Variants in TSPAN11 observed in about 807,000 individuals in gnomAD.
The protein encoded by TSPAN11 is tetraspanin 11.
TSPAN11 carries 29 observed loss-of-function variants against 32.9 expected under a neutral mutation model. The observed-to-expected ratio is 0.88, with a 90% CI of 0.66 to 1.20. TSPAN11 has a LOEUF of 1.20. TSPAN11 is among the 50% of genes most tolerant of loss of function. TSPAN11 has a pLI of 0.00. For missense variants in TSPAN11, 283 were observed against 329.1 expected (o/e 0.86, Z 1.08); for synonymous variants, 140 against 141.3 (o/e 0.99, Z 0.07).
At chr12:30,958,497 G>T (rs1938544494) in intron 2 of TSPAN11, among the ~76,000 whole-genome samples, 1 of 152,056 alleles carries the variant, frequency 6.6e-6, no homozygotes, top group African/African-American at 2.4e-5. Context: ...TGGGACTGGG[G>T]TGCCGTCCAC....
intron 3 of TSPAN11, among the ~76,000 whole-genome samples, chr12:30,964,241 G>A (rs761482083): frequency 5.9e-5 from 9 of 152,102 alleles, no homozygotes; most frequent in South Asian, 2.1e-4. Flanking sequence ...CTCCTTCTCC[G>A]TATCTCCATC....
At chr12:30,969,617 TCAC>T (rs1283897078) in intron 3 of TSPAN11, among the ~76,000 whole-genome samples, 1 of 152,178 alleles carries the variant, frequency 6.6e-6, no homozygotes, top group South Asian at 2.1e-4. Flanking sequence ...GTGTACCTGA[TCAC>T]CACAATCCAG....
intron 3 of TSPAN11, among the ~76,000 whole-genome samples, chr12:30,965,643 G>A (rs1334365985): frequency 2.0e-5 from 3 of 152,162 alleles, no homozygotes; most frequent in East Asian, 1.9e-4. Context: ...GCAAAGTCCC[G>A]GTAGTCTGAA....
chr12:30,966,676 G>C (rs1938740079), intron 3 of TSPAN11, among the ~76,000 whole-genome samples: 1 of 152,248 alleles, frequency 6.6e-6, no homozygotes, highest in Non-Finnish European at 1.5e-5. Flanking sequence ...CAGAGGCCAA[G>C]GGGGAGGATG....
At chr12:30,984,094 G>A (rs2111771) in intron 7 of TSPAN11, among the ~76,000 whole-genome samples, 86,988 of 152,142 alleles carry the variant, frequency 0.57, 26,515 homozygotes, top group South Asian at 0.71. Flanking sequence ...CAGCGGCAAG[G>A]GCCCCTGCAG....
At chr12:30,943,291 C>T (rs910127561) in intron 1 of TSPAN11, among the ~76,000 whole-genome samples, 3 of 152,210 alleles carry the variant, frequency 2.0e-5, no homozygotes, top group Non-Finnish European at 4.4e-5. Flanking sequence ...CAAACGTCTG[C>T]TCTGCGTGTC....
chr12:30,941,451 G>A (rs1938162320), intron 1 of TSPAN11, among the ~76,000 whole-genome samples: 2 of 152,240 alleles, frequency 1.3e-5, no homozygotes, highest in African/African-American at 4.8e-5. Flanking sequence ...CCAGCAGTAA[G>A]TCTTGGAATC....
At chr12:30,940,159 A>G (rs1938131510) in intron 1 of TSPAN11, among the ~76,000 whole-genome samples, 3 of 152,208 alleles carry the variant, frequency 2.0e-5, no homozygotes. Context: ...ATGCCATAGA[A>G]GCAATGGCCT....
chr12:30,967,130 G>A (rs903354704), intron 3 of TSPAN11, among the ~76,000 whole-genome samples: 3 of 152,184 alleles, frequency 2.0e-5, no homozygotes, highest in East Asian at 1.9e-4. Flanking sequence ...ACCTGACCAC[G>A]CTGTGCTCTC....
At chr12:30,960,440 T>G (rs1938588994) in intron 2 of TSPAN11, among the ~76,000 whole-genome samples, 1 of 151,934 alleles carries the variant, frequency 6.6e-6, no homozygotes, top group Non-Finnish European at 1.5e-5. Context: ...CCCCATCCCT[T>G]TCCTTCCTTC....
intron 2 of TSPAN11, 131 bp from the exon 3 acceptor site, chr12:30,963,695 C>T: frequency 1.0e-6 from 1 of 983,964 alleles, no homozygotes; most frequent in South Asian, 1.8e-5. Flanking sequence ...GGTAACCATA[C>T]CATTCTCGCC....
chr12:30,983,077 C>A lies in TSPAN11; in HGVS notation c.629C>A (p.Thr210Asn). The part of the protein sequence containing the change: ...NIYKVEGGCL[T>N]KLEQFLADHL... The stretch of plus-strand genomic sequence containing the variant: ...CTTCTCTTACAGGGAGGCTGCCTCA[C>A]CAAGCTGGAGCAGTTCCTGGCCGAC... Residue 210 changes from threonine to asparagine, a missense_variant, in exon 7 of 8, where the codon ACC (threonine) becomes AAC (asparagine). Thr to Asn is a moderately conservative substitution (Grantham distance 65). Transcript: ENST00000546076. 1 of 1,612,978 alleles carries A rather than the reference C, an allele frequency of 6.2e-7. No homozygotes were observed. The highest frequency in any genetic ancestry group is 1.1e-5 in the South Asian group (1 of 90,822).
chr12:30,991,956 A>ATG lies in TSPAN11; in HGVS notation c.*44_*45dup. ...TCTTCCAACTGCCCCTCAAGACAAC[A>ATG]TGTGGCCACATGCCATCTGCAAGGC... On this transcript the variant is annotated 3_prime_UTR_variant, in exon 8 of 8. Transcript: ENST00000546076. 1 of 1,608,364 alleles carries ATG rather than the reference A, an allele frequency of 6.2e-7. No individual in the cohort carries two copies. Among genetic ancestry groups the ATG allele is most frequent in the Middle Eastern group, 1.7e-4 (1 of 6,048 alleles).
rs77973780 is a variant in TSPAN11, at chr12:30,987,985, C to T, written c.703-3871C>T. 6.2e-3 allele frequency among the ~76,000 whole-genome samples: 952 copies of T among 152,368 alleles called. 19 individuals are homozygous for T. The East Asian group carries it at 0.077, about 12-fold the overall frequency. On this transcript the variant is annotated intron_variant, in intron 7 of 7. Transcript: ENST00000546076. ...CCCTTGCAGAGTACTAAACTCCCTG[C>T]GGCTGCAGGCTGGGGCAGAGGCTGG...
chr12:30,981,266 G>T (rs1449107863), intron 5 of TSPAN11, among the ~76,000 whole-genome samples: 1 of 152,198 alleles, frequency 6.6e-6, no homozygotes, highest in Non-Finnish European at 1.5e-5. Flanking sequence ...GCCAGCACCC[G>T]GCCCTCCAGC....
chr12:30,970,976 C>G (rs1001318054), intron 3 of TSPAN11, among the ~76,000 whole-genome samples: 2 of 152,180 alleles, frequency 1.3e-5, no homozygotes, highest in African/African-American at 4.8e-5. Context: ...GCGGGTGGTT[C>G]TGAGCTCCCT....
intron 1 of TSPAN11, among the ~76,000 whole-genome samples, chr12:30,930,949 A>T (rs1042273996): frequency 6.6e-6 from 1 of 152,204 alleles, no homozygotes; most frequent in Non-Finnish European, 1.5e-5. Context: ...ATACAAGCAC[A>T]TGGCCCTGCT....
intron 1 of TSPAN11, among the ~76,000 whole-genome samples, chr12:30,940,423 C>T (rs891607916): frequency 6.6e-6 from 1 of 152,120 alleles, no homozygotes; most frequent in Non-Finnish European, 1.5e-5. Context: ...AAGGGGCATG[C>T]CTCAGACTTC....
intron 3 of TSPAN11, chr12:30,978,239 G>A: frequency 6.1e-6 from 2 of 330,110 alleles, no homozygotes; most frequent in Non-Finnish European, 1.1e-5. Flanking sequence ...CAGCATTGCA[G>A]TCACTCATCT....
Sources: gnomAD v4.1 joint callset for allele counts (sites outside exome capture counted in the v4.1 genomes callset) on GRCh38, gnomAD v4.1.1 for gene constraint, MANE v1.5 for transcripts, NCBI Gene and HGNC (gene_info 2026-07-23, HGNC 2026-07-21) for gene names.